The following SPICE1 variants were observed in gnomAD, a reference collection of about 807,000 sequenced individuals.
SPICE1 encodes spindle and centriole-associated protein 1.
Under a neutral mutation model 102.7 loss-of-function variants are expected in SPICE1, and 75 were observed. That is an observed-to-expected ratio of 0.73 (90% CI 0.61 to 0.88). The LOEUF (loss-of-function observed/expected upper bound fraction) is 0.88. Among genes scored for constraint, SPICE1 ranks in the 40% least tolerant of loss-of-function variants. The pLI is 0.00. For synonymous variants in SPICE1, 308 were observed against 350.3 expected (o/e 0.88, Z 1.35); for missense variants, 979 against 1,020.1 (o/e 0.96, Z 0.55).
At chr3:113,514,741 T>C (rs1937289925) in intron 1 of SPICE1, 156 bp downstream of exon 1, 2 of 1,285,872 alleles carry the variant, frequency 1.6e-6, no homozygotes, top group African/African-American at 1.5e-5. Context: ...ATAGTTTGCC[T>C]CTCTCCTGCT....
At chr3:113,476,021 T>C (rs1179301028) in intron 7 of SPICE1, among the ~76,000 whole-genome samples, 1 of 152,196 alleles carries the variant, frequency 6.6e-6, no homozygotes, top group Non-Finnish European at 1.5e-5. Context: ...GACATGATTG[T>C]ACATCTAGAA....
intron 7 of SPICE1, among the ~76,000 whole-genome samples, chr3:113,479,875 C>T (rs6783965): frequency 0.19 from 29,410 of 151,686 alleles, 2,982 homozygotes; most frequent in African/African-American, 0.25. Context: ...AAATGCACAA[C>T]GAAGGAAATA....
intron 1 of SPICE1, among the ~76,000 whole-genome samples, chr3:113,508,862 C>A (rs1476706376): frequency 1.3e-5 from 2 of 151,922 alleles, no homozygotes; most frequent in East Asian, 1.9e-4. Flanking sequence ...CAAATGTCCA[C>A]CAACTGATGA....
Position 113,473,979 on chromosome 3 carries a change from G to C in SPICE1, c.612-4741C>G, listed in dbSNP as rs1277642484. On this transcript the variant is annotated intron_variant, in intron 7 of 17. Transcript: ENST00000295872. ...AACGGACTAAATGCTCCAATTAAAA[G>C]GCACAGACTGGAAAATTGGATAAAG... 2.0e-5 allele frequency among the ~76,000 whole-genome samples: 3 copies of C among 152,192 alleles called. No individual in the cohort carries two copies. In the East Asian group the frequency reaches 5.8e-4, roughly 29 times the overall value.
At chr3:113,466,175 C>G (rs1238973645) in intron 10 of SPICE1, among the ~76,000 whole-genome samples, 1 of 152,172 alleles carries the variant, frequency 6.6e-6, no homozygotes, top group African/African-American at 2.4e-5. Context: ...AGAGTTAGTA[C>G]AATCTGCTGT....
chr3:113,498,389 G>A (rs888454624), intron 4 of SPICE1, among the ~76,000 whole-genome samples: 1 of 152,130 alleles, frequency 6.6e-6, no homozygotes, highest in African/African-American at 2.4e-5. Flanking sequence ...GGAACCACTA[G>A]AGAAAGGAAA....
intron 1 of SPICE1, among the ~76,000 whole-genome samples, chr3:113,512,405 CTTTTTTTT>C (rs34015506): frequency 6.7e-5 from 7 of 104,408 alleles, no homozygotes; most frequent in Non-Finnish European, 1.1e-4. Flanking sequence ...GAAAAGCTTT[CTTTTTTTT>C]TTTTTTTTTT....
rs144315055 is a variant in SPICE1, at chr3:113,442,729, C to T, written c.*2578G>A. Reference sequence around the variant, plus strand: ...TTGGCAAGAAAAAATTGCTATAATACAATTTGTGTTTATTAGTTTCCACAA... The same window carrying T: ...TTGGCAAGAAAAAATTGCTATAATATAATTTGTGTTTATTAGTTTCCACAA... On this transcript the variant is annotated 3_prime_UTR_variant, in exon 18 of 18. Transcript: ENST00000295872. The T allele has an allele frequency of 2.0e-4, 30 of 152,260 alleles. No individual in the cohort carries two copies. In the East Asian group the frequency reaches 4.1e-3, roughly 21 times the overall value. The allele number at this position is 152,260 out of a possible 1,614,324, so 9.4% of individuals were successfully genotyped here.
At chr3:113,476,015 T>C (rs1165648128) in intron 7 of SPICE1, among the ~76,000 whole-genome samples, 1 of 152,198 alleles carries the variant, frequency 6.6e-6, no homozygotes, top group Non-Finnish European at 1.5e-5. Flanking sequence ...GCAGATGACA[T>C]GATTGTACAT....
At chr3:113,471,551 A>G (rs1017166523) in intron 7 of SPICE1, among the ~76,000 whole-genome samples, 3 of 152,194 alleles carry the variant, frequency 2.0e-5, no homozygotes, top group Non-Finnish European at 4.4e-5. Flanking sequence ...TCTGGACCCC[A>G]GAACTGGGAA....
At chr3:113,464,222 T>C (rs1935999455) in intron 11 of SPICE1, among the ~76,000 whole-genome samples, 1 of 151,822 alleles carries the variant, frequency 6.6e-6, no homozygotes, top group African/African-American at 2.4e-5. Flanking sequence ...GTGAACTATA[T>C]TATCAAATTT....
At chr3:113,459,854 C>G in intron 12 of SPICE1, 1 of 981,050 alleles carries the variant, frequency 1.0e-6, no homozygotes. Context: ...TACACTCCAG[C>G]CTGGGTGACA....
chr3:113,479,358 C>G (rs1246393642), intron 7 of SPICE1, among the ~76,000 whole-genome samples: 1 of 151,714 alleles, frequency 6.6e-6, no homozygotes, highest in Non-Finnish European at 1.5e-5. Flanking sequence ...GCCACATTTT[C>G]TTAATCCAGG....
At chr3:113,505,511 A>G (rs573033120) in intron 2 of SPICE1, among the ~76,000 whole-genome samples, 1 of 152,288 alleles carries the variant, frequency 6.6e-6, no homozygotes, top group East Asian at 1.9e-4. Context: ...GTCCAAAAGA[A>G]TCCCTGAGAT....
At chr3:113,455,759 T>C (rs1225097041) in intron 13 of SPICE1, among the ~76,000 whole-genome samples, 1 of 152,240 alleles carries the variant, frequency 6.6e-6, no homozygotes, top group Non-Finnish European at 1.5e-5. Context: ...TGTCTGCACA[T>C]TATAAAATAA....
rs1007286461 is a variant in SPICE1 at position 113,494,060 on chromosome 3, C to T, written c.374G>A (p.Arg125His). Residue 125 changes from arginine to histidine, a missense_variant, in exon 5 of 18, where the codon CGT (arginine) becomes CAT (histidine). Coordinates refer to ENST00000295872, the MANE Select transcript of SPICE1 (RefSeq NM_144718.4). ...TTTGAATTGAATACCTGTGCGCCTA[C>T]GAGGAAACAGCTCTTTTGCTGCAGC... ...LIAAAKELFPRRRTGFPNVTV... is the reference protein window; with the variant it reads ...LIAAAKELFPHRRTGFPNVTV... 3 of 1,610,288 alleles carry T rather than the reference C, an allele frequency of 1.9e-6. No individual in the cohort carries two copies. Among genetic ancestry groups the T allele is most frequent in the African/African-American group, 1.3e-5 (1 of 74,892 alleles).
intron 7 of SPICE1, among the ~76,000 whole-genome samples, chr3:113,472,618 C>T (rs59673391): frequency 0.043 from 6,539 of 152,226 alleles, 170 homozygotes; most frequent in East Asian, 0.1. Context: ...CAGCAGCATT[C>T]GCGGTTCACG....
intron 7 of SPICE1, among the ~76,000 whole-genome samples, chr3:113,482,476 C>T (rs1389387683): frequency 6.6e-6 from 1 of 152,012 alleles, no homozygotes; most frequent in Non-Finnish European, 1.5e-5. Context: ...GACCTGAAGC[C>T]TTTGTGTATG....
chr3:113,491,608 G>C (rs556373718), intron 6 of SPICE1, among the ~76,000 whole-genome samples: 4 of 120,874 alleles, frequency 3.3e-5, no homozygotes, highest in African/African-American at 1.3e-4. Flanking sequence ...CTGGGCGACA[G>C]AGCGAGACTC....
Sources: allele counts gnomAD v4.1 joint callset (sites outside exome capture counted in the v4.1 genomes callset), GRCh38; gene constraint gnomAD v4.1.1; transcripts MANE v1.5; gene names NCBI Gene and HGNC (gene_info 2026-07-23, HGNC 2026-07-21).